The following TEAD4 variants were observed in gnomAD, a reference collection of about 807,000 sequenced individuals.
TEAD4 encodes TEA domain transcription factor 4.
TEAD4 carries 36 observed loss-of-function variants against 52.4 expected under a neutral mutation model. That is an observed-to-expected ratio of 0.69 (90% CI 0.53 to 0.91). The LOEUF is 0.91. Among genes scored for constraint, TEAD4 ranks in the 40% least tolerant of loss-of-function variants. TEAD4 has a pLI of 0.00. For synonymous variants in TEAD4, 220 were observed against 231.0 expected (o/e 0.95, Z 0.43); for missense variants, 508 against 583.9 (o/e 0.87, Z 1.34).
At chr12:2,981,592 C>T (rs1361726803) in intron 2 of TEAD4, among the ~76,000 whole-genome samples, 4 of 152,212 alleles carry the variant, frequency 2.6e-5, no homozygotes, top group African/African-American at 9.7e-5. Flanking sequence ...CTCCCATCCC[C>T]ATCTGAAGTC....
intron 3 of TEAD4, among the ~76,000 whole-genome samples, chr12:3,009,189 A>G (rs2098258247): frequency 1.3e-5 from 2 of 152,194 alleles, no homozygotes; most frequent in African/African-American, 4.8e-5. Flanking sequence ...GCACTTTGGG[A>G]GGCTGATGCG....
intron 10 of TEAD4, among the ~76,000 whole-genome samples, chr12:3,037,767 A>G (rs990060574): frequency 6.6e-6 from 1 of 152,086 alleles, no homozygotes; most frequent in African/African-American, 2.4e-5. Context: ...CTCTTTTCCC[A>G]TGATTTAGGC....
At chr12:3,030,410 G>A (rs1203913083) in intron 10 of TEAD4, among the ~76,000 whole-genome samples, 1 of 152,150 alleles carries the variant, frequency 6.6e-6, no homozygotes, top group African/African-American at 2.4e-5. Context: ...CAGACTTTTT[G>A]TCAGTTCCTG....
chr12:3,028,950 T>C (rs1263583535), intron 10 of TEAD4, among the ~76,000 whole-genome samples: 1 of 152,156 alleles, frequency 6.6e-6, no homozygotes, highest in Non-Finnish European at 1.5e-5. Flanking sequence ...ATTTTTATAA[T>C]AAATTGGGTT....
At chr12:2,975,893 T>TGGCAA (rs2098229242) in intron 2 of TEAD4, among the ~76,000 whole-genome samples, 1 of 152,210 alleles carries the variant, frequency 6.6e-6, no homozygotes, top group African/African-American at 2.4e-5. Flanking sequence ...TCCCTGTAGT[T>TGGCAA]TTGCCTTTTC....
At chr12:2,986,111 T>A (rs79563149) in intron 2 of TEAD4, among the ~76,000 whole-genome samples, 5 of 151,378 alleles carry the variant, frequency 3.3e-5, no homozygotes, top group African/African-American at 1.2e-4. Context: ...TAAAAAAAAA[T>A]AATAAAAACA....
chr12:2,994,688 C>G lies in TEAD4; in HGVS notation c.-29-50C>G. ...CCCCGGAGTGCCTTCATCCCGTGGC[C>G]CACGCAGTTCTTCCACTGCTCACCG... On this transcript the variant is annotated intron_variant, in intron 2 of 12. Coordinates refer to ENST00000359864, the MANE Select transcript of TEAD4 (RefSeq NM_003213.4). The surrounding 1 kb of genome is among the most constrained non-coding windows in gnomAD (Gnocchi z 4.7). 1 of 1,500,010 alleles carries G rather than the reference C, an allele frequency of 6.7e-7. No homozygotes were observed. 92.9% of individuals were successfully genotyped at this position (1,500,010 alleles called of 1,614,324 possible).
At chr12:2,992,092 C>T (rs1263081723) in intron 2 of TEAD4, among the ~76,000 whole-genome samples, 1 of 150,642 alleles carries the variant, frequency 6.6e-6, no homozygotes, top group African/African-American at 2.4e-5. Flanking sequence ...CATCTTGGCC[C>T]ACTGCAACCT....
chr12:2,997,613 G>A (rs1250016570), intron 3 of TEAD4, among the ~76,000 whole-genome samples: 1 of 152,056 alleles, frequency 6.6e-6, no homozygotes, highest in Non-Finnish European at 1.5e-5. Flanking sequence ...TCACAGGGCA[G>A]GTCTGTGTGC....
At chr12:2,979,964 T>C (rs367823349) in intron 2 of TEAD4, among the ~76,000 whole-genome samples, 10 of 152,278 alleles carry the variant, frequency 6.6e-5, no homozygotes, top group Admixed American at 5.2e-4. Flanking sequence ...GAGAGATCTT[T>C]CTGGCAGGGG....
At chr12:2,987,304 G>A (rs2098239287) in intron 2 of TEAD4, among the ~76,000 whole-genome samples, 1 of 152,206 alleles carries the variant, frequency 6.6e-6, no homozygotes, top group African/African-American at 2.4e-5. Context: ...GAATGAGTCT[G>A]GTGAAATATG....
chr12:3,022,103 G>C, intron 10 of TEAD4, 86 bp downstream of exon 10: 1 of 1,531,100 alleles, frequency 6.5e-7, no homozygotes, highest in Non-Finnish European at 8.9e-7. Flanking sequence ...GTGTGCCCTT[G>C]TCACAGTAGA....
intron 10 of TEAD4, among the ~76,000 whole-genome samples, chr12:3,023,965 T>A (rs1287944793): frequency 6.6e-6 from 1 of 152,182 alleles, no homozygotes; most frequent in Non-Finnish European, 1.5e-5. Flanking sequence ...ATTAAGACAT[T>A]ATATTTTCAT....
chr12:2,995,335 T>C (rs2098246251), intron 3 of TEAD4, among the ~76,000 whole-genome samples: 1 of 152,096 alleles, frequency 6.6e-6, no homozygotes, highest in Non-Finnish European at 1.5e-5. Flanking sequence ...CCACCTTGGC[T>C]GTGAAGGATG....
intron 2 of TEAD4, among the ~76,000 whole-genome samples, chr12:2,981,385 G>A (rs936088815): frequency 1.3e-5 from 2 of 152,230 alleles, no homozygotes; most frequent in African/African-American, 4.8e-5. Flanking sequence ...GTGGAAGACA[G>A]CAGACAACTG....
At chr12:2,980,798 C>G (rs1048949472) in intron 2 of TEAD4, among the ~76,000 whole-genome samples, 1 of 151,010 alleles carries the variant, frequency 6.6e-6, no homozygotes, top group Non-Finnish European at 1.5e-5. Flanking sequence ...CAGTGACTCA[C>G]GCCTGTAATC....
intron 5 of TEAD4, among the ~76,000 whole-genome samples, chr12:3,015,525 ACTGAGCCTCT>A (rs1176969856): frequency 6.6e-6 from 1 of 152,236 alleles, no homozygotes; most frequent in Non-Finnish European, 1.5e-5. Context: ...GCGGGGGAGC[ACTGAGCCTCT>A]CTGAGCCTCC....
At chr12:3,010,150 C>T (rs930994718) in intron 3 of TEAD4, among the ~76,000 whole-genome samples, 1 of 152,258 alleles carries the variant, frequency 6.6e-6, no homozygotes, top group African/African-American at 2.4e-5. Flanking sequence ...AAGGGCTTGC[C>T]TGACCACCCA....
intron 10 of TEAD4, among the ~76,000 whole-genome samples, chr12:3,034,967 G>C (rs981430035): frequency 2.0e-5 from 3 of 151,980 alleles, no homozygotes; most frequent in African/African-American, 7.3e-5. Context: ...CGAGCGTGGT[G>C]GTGGGCACCT....
Sources: gnomAD v4.1 joint callset for allele counts (sites outside exome capture counted in the v4.1 genomes callset) on GRCh38, gnomAD v4.1.1 for gene constraint, Gnocchi (gnomAD v3.1) non-coding constraint, MANE v1.5 for transcripts, NCBI Gene and HGNC (gene_info 2026-07-23, HGNC 2026-07-21) for gene names.